Variants in VEGFA observed in about 807,000 individuals in gnomAD.
The protein encoded by VEGFA is vascular endothelial growth factor A, long form.
A neutral mutation model predicts 49.7 loss-of-function variants in VEGFA; 20 were observed. That is an observed-to-expected ratio of 0.40 (90% confidence interval 0.28 to 0.58). The LOEUF is 0.58. Ranked by LOEUF, VEGFA falls within the 20% of genes least tolerant of loss-of-function variation. The pLI, the probability that VEGFA is intolerant of heterozygous loss-of-function variation, is 0.40. For missense variants in VEGFA, 505 were observed against 553.5 expected (o/e 0.91, Z 0.88); for synonymous variants, 219 against 223.4 (o/e 0.98, Z 0.18).
intron 2 of VEGFA, chr6:43,776,598 T>C (rs1765514495): frequency 6.6e-6 from 1 of 152,474 alleles, no homozygotes; most frequent in Non-Finnish European, 1.5e-5. Flanking sequence ...ATGCAAGCAG[T>C]TTGCCCTCTT....
chr6:43,778,946 C>G lies in VEGFA; in HGVS notation c.962+28C>G, dbSNP rs375625229. 21 of 1,614,064 alleles carry G rather than the reference C, an allele frequency of 1.3e-5. 1 individual carries two copies. The highest frequency in any genetic ancestry group is 1.2e-4 in the Admixed American group (7 of 60,010). On this transcript the variant is annotated intron_variant, in intron 5 of 7. Coordinates refer to ENST00000672860, the MANE Select transcript of VEGFA (RefSeq NM_003376.6). ...AAGTGGCCCTGACTTTAGCACTTCTCCCTCTCCATGGCCGGTTGTCTTGGT... is the reference window on the plus strand; with the variant it reads ...AAGTGGCCCTGACTTTAGCACTTCTGCCTCTCCATGGCCGGTTGTCTTGGT...
At chr6:43,772,895 A>T (rs1764081081) in intron 1 of VEGFA, among the ~76,000 whole-genome samples, 2 of 152,140 alleles carry the variant, frequency 1.3e-5, no homozygotes, top group Admixed American at 1.3e-4. Context: ...AGGCCCCCAG[A>T]GAAGGACACC....
At chr6:43,782,537 C>T (rs1186616683) in intron 7 of VEGFA, 2 of 277,696 alleles carry the variant, frequency 7.2e-6, no homozygotes, top group African/African-American at 4.4e-5. Context: ...CCTTTGAAGT[C>T]TGCATGGCTG....
rs1056181123 is a variant in VEGFA, at chr6:43,770,886, C to T, written c.180C>T (p.Gly60=). The change falls in exon 1 of 8, where the codon GGC becomes GGT. Residue 60 remains glycine (G), a synonymous_variant. Coordinates refer to ENST00000672860, the MANE Select transcript of VEGFA (RefSeq NM_003376.6). The stretch of plus-strand genomic sequence containing the variant: ...TGAAACTTTTCGTCCAACTTCTGGG[C>T]TGTTCTCGCTTCGGAGGAGCCGTGG... The T allele has an allele frequency of 6.5e-6, 10 of 1,544,430 alleles. No homozygotes were observed. In the African/African-American group the frequency reaches 1.1e-4, roughly 17 times the overall value.
chr6:43,782,393 CCTT>C (rs2128053504), intron 7 of VEGFA: 1 of 412,380 alleles, frequency 2.4e-6, no homozygotes, highest in East Asian at 5.5e-5. Flanking sequence ...GTCCTGTGGT[CCTT>C]CTGCTCATAG....
rs958407207 is a variant in VEGFA at position 43,773,448 on chromosome 6, AG to A, written c.607-891del. 15 of 152,164 alleles carry A rather than the reference AG, an allele frequency of 9.9e-5. No individual in the cohort carries two copies. Among genetic ancestry groups the A allele is most frequent in the African/African-American group, 3.6e-4 (15 of 41,474 alleles). 9.4% of individuals were successfully genotyped at this position (152,164 alleles called of 1,614,324 possible). On this transcript the variant is annotated intron_variant, in intron 1 of 7. Transcript: ENST00000672860. The surrounding 1 kb of genome is among the most constrained non-coding windows in gnomAD (Gnocchi z 5.6). ...GACCTTCACAGCTTCTGGCGAGGGG[AG>A]GAATGATCTGATGCGGGTGGGGAGG...
intron 7 of VEGFA, chr6:43,782,356 G>A (rs1582530720): frequency 4.2e-6 from 2 of 476,978 alleles, no homozygotes; most frequent in African/African-American, 3.9e-5. Context: ...GCTTAGTGTA[G>A]TGGTGTGGAC....
At position 43,771,109 on chromosome 6, in the gene VEGFA, G is replaced by A. The variant is rs1331499170; in HGVS notation, c.403G>A (p.Ala135Thr). ...CGCAGACAGTGCTCCAGCCGCGCGC[G>A]CTCCCCAGGCCCTGGCCCGGGCCTC... Residue 135 changes from alanine to threonine, a missense_variant, in exon 1 of 8, where the codon GCT becomes ACT. Transcript: ENST00000672860. The A allele has an allele frequency of 1.4e-6, 2 of 1,464,406 alleles. No homozygotes were observed. The highest frequency in any genetic ancestry group is 2.5e-5 in the Admixed American group (1 of 39,338). 90.7% of individuals were successfully genotyped at this position (1,464,406 alleles called of 1,614,324 possible).
At position 43,778,930 on chromosome 6, in the gene VEGFA, T is replaced by C. The variant is rs778669692; in HGVS notation, c.962+12T>C. 2 of 1,614,250 alleles carry C rather than the reference T, an allele frequency of 1.2e-6. No individual in the cohort carries two copies. Among genetic ancestry groups the C allele is most frequent in the East Asian group, 2.2e-5 (1 of 44,884 alleles). On this transcript the variant is annotated intron_variant, in intron 5 of 7. Coordinates refer to ENST00000672860, the MANE Select transcript of VEGFA (RefSeq NM_003376.6). The stretch of plus-strand genomic sequence containing the variant: ...GCAAGACAAGAAAAGTAAGTGGCCC[T>C]GACTTTAGCACTTCTCCCTCTCCAT...
In VEGFA at chr6:43,771,243, A is replaced by T. The variant is rs1364620045; in HGVS notation, c.537A>T (p.Glu179Asp). The change falls in exon 1 of 8, where the codon GAA becomes GAT. Residue 179 changes from glutamate to aspartate, a missense_variant. By Grantham distance (45) the Glu-to-Asp change is conservative (BLOSUM62 2). Around this residue, in one of 2 missense-constraint regions of VEGFA, gnomAD observed 340 missense variants for 321.8 expected, o/e 1.06. Coordinates refer to ENST00000672860, the MANE Select transcript of VEGFA (RefSeq NM_003376.6). ...GCGCCGGCCCCGGTCGGGCCTCCGA[A>T]ACCATGAACTTTCTGCTGTCTTGGG... 6.2e-7 allele frequency: 1 copy of T among 1,606,542 alleles called. No homozygotes were observed. The highest frequency in any genetic ancestry group is 1.1e-5 in the South Asian group (1 of 90,656).
chr6:43,778,048 T>G, intron 3 of VEGFA: 1 of 429,984 alleles, frequency 2.3e-6, no homozygotes, highest in Non-Finnish European at 4.3e-6. Flanking sequence ...TGGTGTTACC[T>G]GGTAATGGGG....
In VEGFA at chr6:43,770,984, A is replaced by T. The variant is rs1763346327; in HGVS notation, c.278A>T (p.Glu93Val). The T allele has an allele frequency of 6.5e-7, 1 of 1,541,984 alleles. No homozygotes were observed. Among genetic ancestry groups the T allele is most frequent in the Non-Finnish European group, 8.7e-7 (1 of 1,144,490 alleles). The change falls in exon 1 of 8, where the codon GAG becomes GTG. Residue 93 changes from glutamate (E) to valine (V), a missense_variant. Around this residue, in one of 2 missense-constraint regions of VEGFA, gnomAD observed 340 missense variants for 321.8 expected, o/e 1.06. Coordinates refer to ENST00000672860, the MANE Select transcript of VEGFA (RefSeq NM_003376.6). ...TCGGGCCGGGAGGAGCCGCAGCCGG[A>T]GGAGGGGGAGGAGGAAGAAGAGAAG...
At chr6:43,781,056 A>G (rs1238693333) in intron 6 of VEGFA, 3 of 888,690 alleles carry the variant, frequency 3.4e-6, no homozygotes, top group Non-Finnish European at 5.1e-6. Flanking sequence ...AAGGGAGGGG[A>G]CCCTGGCTTG....
At chr6:43,781,813 C>T in intron 6 of VEGFA, 143 bp from the exon 7 acceptor site, 2 of 1,112,708 alleles carry the variant, frequency 1.8e-6, no homozygotes, top group South Asian at 2.6e-5. Context: ...TGCTGTAGCG[C>T]TCGGATCCTT....
At chr6:43,772,002 C>A in intron 1 of VEGFA, 1 of 985,314 alleles carries the variant, frequency 1.0e-6, no homozygotes, top group South Asian at 4.7e-5. Context: ...GCCTGGCCGG[C>A]CGCGTGTTCC....
At position 43,777,863 on chromosome 6, in the gene VEGFA, C is replaced by T; in HGVS notation, c.855+198C>T. On this transcript the variant is annotated intron_variant, in intron 3 of 7. Transcript: ENST00000672860. The surrounding 1 kb of genome is among the most constrained non-coding windows in gnomAD (Gnocchi z 4.3). ...CCCAGCCCAGGTTCCCAGCAAGCCCCAACCATCTCCTTCTCCCTGATGGTT... is the reference window on the plus strand; with the variant it reads ...CCCAGCCCAGGTTCCCAGCAAGCCCTAACCATCTCCTTCTCCCTGATGGTT... 3.2e-6 allele frequency: 2 copies of T among 627,768 alleles called. No individual in the cohort carries two copies. The highest frequency in any genetic ancestry group is 2.0e-5 in the South Asian group (1 of 50,934). The allele number at this position is 627,768 out of a possible 1,614,324, so 38.9% of individuals were successfully genotyped here.
rs2128029596 is a variant in VEGFA, at chr6:43,777,712, T to G, written c.855+47T>G. 8.5e-5 allele frequency: 53 copies of G among 619,910 alleles called. No homozygotes were observed. The highest frequency in any genetic ancestry group is 1.4e-4 in the Non-Finnish European group (47 of 333,676). The allele number at this position is 619,910 out of a possible 1,614,324, so 38.4% of individuals were successfully genotyped here. A position where few individuals can be genotyped will look rare whatever the true frequency, so the allele number is the denominator to read the frequency against. ...GGCAAGGGGGGGATAGGGAGGGGGG[T>G]AACACTTTGGGAACAGGTGGTCCCA... On this transcript the variant is annotated intron_variant, in intron 3 of 7. Coordinates refer to ENST00000672860, the MANE Select transcript of VEGFA (RefSeq NM_003376.6). This position sits in a 1 kb window ranked among gnomAD's most constrained non-coding sequence, Gnocchi z 4.3.
At chr6:43,778,313 C>T (rs1766145495) in intron 3 of VEGFA, 147 bp from the exon 4 acceptor site, 1 of 738,790 alleles carries the variant, frequency 1.4e-6, no homozygotes, top group African/African-American at 1.7e-5. Context: ...CTCTTTCCTG[C>T]TAGAGCTCTT....
intron 7 of VEGFA, chr6:43,784,227 A>G (rs1768944114): frequency 4.0e-6 from 2 of 500,766 alleles, no homozygotes; most frequent in Non-Finnish European, 7.3e-6. Flanking sequence ...GTTCTTTGGT[A>G]TCCGTTCATT....
Sources: gnomAD v4.1 joint callset for allele counts (sites outside exome capture counted in the v4.1 genomes callset) on GRCh38, gnomAD v4.1.1 for gene constraint, gnomAD v4.1.1 regional missense constraint, Gnocchi (gnomAD v3.1) non-coding constraint, MANE v1.5 for transcripts, NCBI Gene and HGNC (gene_info 2026-07-23, HGNC 2026-07-21) for gene names.